Variants in COL27A1 observed in about 807,000 individuals in gnomAD.
COL27A1 encodes collagen type XXVII alpha 1 chain, also known as collagen alpha-1(XXVII) chain.
A neutral mutation model predicts 251.3 loss-of-function variants in COL27A1; 106 were observed. The observed-to-expected ratio is 0.42, with a 90% CI of 0.36 to 0.50. COL27A1 has a LOEUF of 0.50. Ranked by LOEUF, COL27A1 falls within the 20% of genes least tolerant of loss-of-function variation. The probability of loss-of-function intolerance (pLI) is 0.00; values close to 1 mark genes in which losing one functional copy is unlikely to be tolerated. For synonymous variants in COL27A1, 1,000 were observed against 986.3 expected (o/e 1.01, Z -0.26); for missense variants, 2,325 against 2,522.8 (o/e 0.92, Z 1.68).
intron 14 of COL27A1, among the ~76,000 whole-genome samples, chr9:114,225,467 G>GA (rs1564491225): frequency 6.6e-6 from 1 of 152,204 alleles, no homozygotes; most frequent in African/African-American, 2.4e-5. Context: ...GTAACTGGGG[G>GA]ATCACAGGGC....
intron 3 of COL27A1, among the ~76,000 whole-genome samples, chr9:114,177,149 C>T (rs537070480): frequency 4.6e-5 from 7 of 152,244 alleles, no homozygotes; most frequent in African/African-American, 1.4e-4. Context: ...CCCATCTTAA[C>T]GGGGAGCATC....
intron 12 of COL27A1, among the ~76,000 whole-genome samples, chr9:114,211,498 A>G (rs1830363279): frequency 6.6e-6 from 1 of 152,258 alleles, no homozygotes; most frequent in South Asian, 2.1e-4. Flanking sequence ...TGCCCACAGC[A>G]GGCATGACCG....
chr9:114,184,738 G>A (rs866118507), intron 5 of COL27A1, among the ~76,000 whole-genome samples: 19 of 152,182 alleles, frequency 1.2e-4, no homozygotes, highest in Admixed American at 7.2e-4. Flanking sequence ...TGGAGATACC[G>A]TACCCATTTA....
At chr9:114,271,732 T>C (rs1468009) in intron 36 of COL27A1, 25,006 of 152,570 alleles carry the variant, frequency 0.16, 2,259 homozygotes, top group African/African-American at 0.2. Context: ...GGTCACCCTG[T>C]GCAAGTCAGC....
intron 56 of COL27A1, among the ~76,000 whole-genome samples, chr9:114,304,368 T>C (rs907541144): frequency 3.3e-5 from 5 of 152,366 alleles, no homozygotes; most frequent in South Asian, 4.1e-4. Flanking sequence ...CTGGGTCTTA[T>C]AACCATGTTG....
chr9:114,266,714 C>T, intron 33 of COL27A1, 96 bp downstream of exon 33: 2 of 1,129,238 alleles, frequency 1.8e-6, no homozygotes, highest in Non-Finnish European at 2.7e-6. Context: ...CTGCCATTCC[C>T]TGTCCTGGCC....
At chr9:114,154,102 C>G (rs1233729889), upstream of COL27A1, among the ~76,000 whole-genome samples, 5 of 152,126 alleles carry the variant, frequency 3.3e-5, no homozygotes, top group Non-Finnish European at 7.4e-5. This position sits in a 1 kb window ranked among gnomAD's most constrained non-coding sequence, Gnocchi z 5.8. Context: ...GCCCCAGCAC[C>G]TATGAGCCGC....
At chr9:114,165,116 T>C (rs1331810128) in intron 2 of COL27A1, among the ~76,000 whole-genome samples, 3 of 152,216 alleles carry the variant, frequency 2.0e-5, no homozygotes, top group Admixed American at 1.3e-4. Flanking sequence ...AACAACCCTA[T>C]GGTGTAGGCG....
chr9:114,271,357 C>G (rs1835129431), intron 36 of COL27A1: 1 of 155,354 alleles, frequency 6.4e-6, no homozygotes, highest in South Asian at 2.0e-4. Flanking sequence ...AATCTGGGCC[C>G]GTTTGGCTCC....
Position 114,167,734 on chromosome 9 carries a change from G to T in COL27A1, c.179G>T (p.Gly60Val), listed in dbSNP as rs1361058614. 7 of 1,613,620 alleles carry T rather than the reference G, an allele frequency of 4.3e-6. No homozygotes were observed. Among genetic ancestry groups the T allele is most frequent in the Non-Finnish European group, 5.9e-6 (7 of 1,179,904 alleles). ...CTGGGCCTCAGCTGGACGAAGGCCG[G>T]GAGCCCTGCACCCCCGGGAGTCATT... ...QRLGLSWTKA[G>V]SPAPPGVIPF... Residue 60 changes from glycine to valine, a missense_variant, in exon 3 of 61, where the codon GGG becomes GTG. Coordinates refer to ENST00000356083, the MANE Select transcript of COL27A1 (RefSeq NM_032888.4).
chr9:114,155,770 C>A lies in COL27A1; in HGVS notation c.-181C>A. 1 of 241,172 alleles carries A rather than the reference C, an allele frequency of 4.1e-6. No individual in the cohort carries two copies. The highest frequency in any genetic ancestry group is 1.5e-4 in the South Asian group (1 of 6,748). 14.9% of individuals were successfully genotyped at this position (241,172 alleles called of 1,614,324 possible). A position where few individuals can be genotyped will look rare whatever the true frequency, so the allele number is the denominator to read the frequency against. On this transcript the variant is annotated 5_prime_UTR_variant, in exon 1 of 61. Coordinates refer to ENST00000356083, the MANE Select transcript of COL27A1 (RefSeq NM_032888.4). This position sits in a 1 kb window ranked among gnomAD's most constrained non-coding sequence, Gnocchi z 5.5. ...TGGGACCATGGGCCTGGCGCGGGCG[C>A]CCGCGGGGCCCCAGCCGCGCTGCCT...
At chr9:114,250,393 G>A (rs890779884) in intron 24 of COL27A1, among the ~76,000 whole-genome samples, 1 of 152,214 alleles carries the variant, frequency 6.6e-6, no homozygotes, top group Non-Finnish European at 1.5e-5. Context: ...TGTTGGCAGC[G>A]GCCCCGCTGC....
intron 37 of COL27A1, 73 bp from the exon 38 acceptor site, chr9:114,282,204 C>T (rs72762668): frequency 0.053 from 74,902 of 1,410,754 alleles, 2,399 homozygotes; most frequent in Non-Finnish European, 0.064. Flanking sequence ...GACAGTCTGA[C>T]CGCCTTGCGG....
intron 37 of COL27A1, 58 bp from the exon 38 acceptor site, chr9:114,282,219 G>A (rs533331552): frequency 3.9e-5 from 59 of 1,524,090 alleles, no homozygotes; most frequent in East Asian, 2.2e-4. Flanking sequence ...TTGCGGATCC[G>A]CCTCAGTTTC....
intron 60 of COL27A1, among the ~76,000 whole-genome samples, chr9:114,309,697 G>A (rs1829315474): frequency 6.6e-6 from 1 of 152,122 alleles, no homozygotes; most frequent in Admixed American, 6.5e-5. Context: ...GGTCTGGGCT[G>A]GTAAAAATTC....
rs1324880569 is a variant in COL27A1, at chr9:114,162,725, T to G, written c.73T>G (p.Phe25Val). 1.2e-6 allele frequency: 2 copies of G among 1,612,456 alleles called. No homozygotes were observed. Among genetic ancestry groups the G allele is most frequent in the East Asian group, 4.5e-5 (2 of 44,732 alleles). Residue 25 changes from phenylalanine to valine, a missense_variant, in exon 2 of 61, where the codon TTC becomes GTC. Physicochemically the swap from Phe to Val is conservative, Grantham distance 50. Around this residue, in one of 4 missense-constraint regions of COL27A1, gnomAD observed 1,183 missense variants for 1,144.1 expected, o/e 1.03. Transcript: ENST00000356083. ...TCTCCTGGTCTCTAGGGGGTTTCTC[T>G]TCTCCTGGATCTTAGTCTCGTTTGC... is the stretch of plus-strand genomic sequence containing the variant. ...AAAARGGGFL[F>V]SWILVSFACH...
At chr9:114,228,780 TCAGTGAGA>T (rs1163450152) in intron 14 of COL27A1, among the ~76,000 whole-genome samples, 1 of 152,192 alleles carries the variant, frequency 6.6e-6, no homozygotes, top group Non-Finnish European at 1.5e-5. Flanking sequence ...CCTCACTTTC[TCAGTGAGA>T]CTGTTTGATG....
chr9:114,162,992 T>G (rs1036903830), intron 2 of COL27A1, among the ~76,000 whole-genome samples: 2 of 151,882 alleles, frequency 1.3e-5, no homozygotes, highest in Admixed American at 1.3e-4. Context: ...TCCCAGCGCT[T>G]TGGGAGGCCG....
At chr9:114,258,214 C>A (rs1834075083) in intron 27 of COL27A1, among the ~76,000 whole-genome samples, 1 of 152,198 alleles carries the variant, frequency 6.6e-6, no homozygotes, top group African/African-American at 2.4e-5. Flanking sequence ...GGCATCGTAT[C>A]TTCTCATTGT....
Sources: allele counts gnomAD v4.1 joint callset (sites outside exome capture counted in the v4.1 genomes callset), GRCh38; gene constraint gnomAD v4.1.1; regional missense constraint gnomAD v4.1.1; non-coding constraint Gnocchi (gnomAD v3.1); transcripts MANE v1.5; gene names NCBI Gene and HGNC (gene_info 2026-07-23, HGNC 2026-07-21).